The following PALLD variants were observed in gnomAD, a reference collection of about 807,000 sequenced individuals.
PALLD encodes the protein palladin.
A neutral mutation model predicts 123.5 loss-of-function variants in PALLD; 61 were observed. The observed-to-expected ratio is 0.49, with a 90% CI of 0.40 to 0.61. The LOEUF is 0.61. Ranked by LOEUF, PALLD falls within the 20% of genes least tolerant of loss-of-function variation. PALLD has a pLI of 0.00. For missense variants in PALLD, 1,273 were observed against 1,377.0 expected, an observed-to-expected ratio of 0.92 and a Z score of 1.20; for synonymous variants, 465 against 496.4, an observed-to-expected ratio of 0.94 and a Z score of 0.84.
intron 1 of PALLD, among the ~76,000 whole-genome samples, chr4:168,508,218 T>C (rs773433221): frequency 1.3e-5 from 2 of 152,198 alleles, no homozygotes; most frequent in Non-Finnish European, 2.9e-5. Context: ...TCACTATAAA[T>C]TGTACGTATT....
At chr4:168,674,466 G>C (rs1780633462) in intron 3 of PALLD, among the ~76,000 whole-genome samples, 1 of 152,128 alleles carries the variant, frequency 6.6e-6, no homozygotes, top group South Asian at 2.1e-4. Context: ...GTTGAAAGAG[G>C]AGTTGCCAGC....
chr4:168,764,247 C>T (rs1283702554), intron 10 of PALLD, among the ~76,000 whole-genome samples: 1 of 152,050 alleles, frequency 6.6e-6, no homozygotes, highest in African/African-American at 2.4e-5. Flanking sequence ...ACCCTTGTTA[C>T]TTGACCTGAG....
At chr4:168,803,739 T>G (rs1249003596) in intron 10 of PALLD, among the ~76,000 whole-genome samples, 1 of 151,994 alleles carries the variant, frequency 6.6e-6, no homozygotes, top group Non-Finnish European at 1.5e-5. Context: ...AAATTTTCAT[T>G]TTGGCTCTCT....
chr4:168,663,634 A>G (rs1255253688), intron 2 of PALLD, among the ~76,000 whole-genome samples: 1 of 152,242 alleles, frequency 6.6e-6, no homozygotes, highest in Non-Finnish European at 1.5e-5. Flanking sequence ...CAGTCCCTGC[A>G]GGGTCAGCAA....
intron 5 of PALLD, 117 bp from the exon 6 acceptor site, chr4:168,685,368 A>T: frequency 1.3e-6 from 1 of 766,670 alleles, no homozygotes; most frequent in Non-Finnish European, 2.4e-6. Context: ...GTATGGTGGT[A>T]CTTTCATTCA....
At position 168,681,475 on chromosome 4, in the gene PALLD, G is replaced by A. The variant is rs1228014047; in HGVS notation, c.1154+77G>A. On this transcript the variant is annotated intron_variant, in intron 4 of 21. Transcript: ENST00000505667. ...ATGGTTGGGGTATGAAACCATGTTT[G>A]CTGTGCTTTGAAGAAAAAAGTCAAC... 3 of 941,226 alleles carry A rather than the reference G, an allele frequency of 3.2e-6. No individual in the cohort carries two copies. In the Admixed American group the frequency reaches 5.1e-5, roughly 16 times the overall value. 58.3% of individuals were successfully genotyped at this position (941,226 alleles called of 1,614,324 possible).
At chr4:168,626,428 G>A (rs960438174) in intron 2 of PALLD, among the ~76,000 whole-genome samples, 1 of 138,898 alleles carries the variant, frequency 7.2e-6, no homozygotes, top group Non-Finnish European at 1.6e-5. Context: ...AAAAGGTGGT[G>A]ACTGGGCACT....
chr4:168,761,790 C>T (rs1283683101), intron 10 of PALLD, among the ~76,000 whole-genome samples: 6 of 151,448 alleles, frequency 4.0e-5, no homozygotes, highest in Non-Finnish European at 5.9e-5. Context: ...GGATTACAGG[C>T]GTGAGCCACC....
chr4:168,801,734 T>C (rs1040930308), intron 10 of PALLD, among the ~76,000 whole-genome samples: 1 of 152,182 alleles, frequency 6.6e-6, no homozygotes, highest in South Asian at 2.1e-4. Flanking sequence ...AAGATGTCTC[T>C]CCTTTTGTGA....
In PALLD at chr4:168,885,487, C is replaced by A. The variant is rs1028576639; in HGVS notation, c.1965-5435C>A. The A allele has an allele frequency of 2.6e-5, 4 of 152,260 alleles. No homozygotes were observed. The East Asian group carries it at 5.8e-4, about 22-fold the overall frequency. The allele number at this position is 152,260 out of a possible 1,614,324, so 9.4% of individuals were successfully genotyped here. Reference sequence around the variant, plus strand: ...AAACCATATAGCCTCTATGAAACTGCCATTTTTGTAAGTTAAAAATGTTCA... The same window carrying A: ...AAACCATATAGCCTCTATGAAACTGACATTTTTGTAAGTTAAAAATGTTCA... On this transcript the variant is annotated intron_variant, in intron 10 of 21. Transcript: ENST00000505667.
chr4:168,878,443 C>A (rs910014007), intron 10 of PALLD: 2 of 1,371,406 alleles, frequency 1.5e-6, no homozygotes, highest in South Asian at 1.5e-5. Flanking sequence ...CGCCTCGGGT[C>A]GCCCTGGGAC....
chr4:168,856,368 A>G (rs1274802002), intron 10 of PALLD, among the ~76,000 whole-genome samples: 2 of 152,328 alleles, frequency 1.3e-5, no homozygotes, highest in East Asian at 1.9e-4. Flanking sequence ...TATATACCCA[A>G]TACTGGGATT....
chr4:168,661,655 G>A (rs1580817747), intron 2 of PALLD, among the ~76,000 whole-genome samples: 1 of 152,190 alleles, frequency 6.6e-6, no homozygotes, highest in Non-Finnish European at 1.5e-5. Flanking sequence ...CCTTGTTTGT[G>A]TGGCAATTAC....
At chr4:168,854,575 C>T (rs1748299689) in intron 10 of PALLD, among the ~76,000 whole-genome samples, 1 of 152,148 alleles carries the variant, frequency 6.6e-6, no homozygotes, top group African/African-American at 2.4e-5. Context: ...TCTCAAAGAG[C>T]AAGGGTTCCA....
Position 168,636,693 on chromosome 4 carries a change from C to A in PALLD, c.909-31497C>A, listed in dbSNP as rs144924643. On this transcript the variant is annotated intron_variant, in intron 2 of 21. Transcript: ENST00000505667. The stretch of plus-strand genomic sequence containing the variant: ...GGCTGGAAGGGACTTTAAGAAATCA[C>A]TTAGTCATATTCCTTGCTTCCAGAA... 1.9e-3 allele frequency among the ~76,000 whole-genome samples: 287 copies of A among 152,296 alleles called. 2 individuals are homozygous for A. Among genetic ancestry groups the A allele is most frequent in the African/African-American group, 6.5e-3 (269 of 41,568 alleles).
intron 3 of PALLD, among the ~76,000 whole-genome samples, chr4:168,670,267 A>T (rs1218855891): frequency 6.6e-6 from 1 of 152,200 alleles, no homozygotes; most frequent in Non-Finnish European, 1.5e-5. Context: ...CATACTACAA[A>T]TATTAAATGA....
intron 10 of PALLD, among the ~76,000 whole-genome samples, chr4:168,749,421 A>C (rs888937662): frequency 3.3e-5 from 5 of 150,934 alleles, no homozygotes; most frequent in African/African-American, 1.2e-4. Context: ...AAAAAAAAAA[A>C]ATTGGTCAAG....
At chr4:168,607,823 AT>A (rs757558997) in intron 2 of PALLD, among the ~76,000 whole-genome samples, 1 of 152,210 alleles carries the variant, frequency 6.6e-6, no homozygotes, top group Non-Finnish European at 1.5e-5. Flanking sequence ...ATAAGCAAAA[AT>A]AAAAGAGTAT....
intron 2 of PALLD, among the ~76,000 whole-genome samples, chr4:168,599,147 A>G (rs1772292327): frequency 6.6e-6 from 1 of 152,178 alleles, no homozygotes; most frequent in Admixed American, 6.6e-5. Context: ...AACAGTGAAG[A>G]ATTCAGAGTT....
Sources: gnomAD v4.1 joint callset for allele counts (sites outside exome capture counted in the v4.1 genomes callset) on GRCh38, gnomAD v4.1.1 for gene constraint, MANE v1.5 for transcripts, NCBI Gene and HGNC (gene_info 2026-07-23, HGNC 2026-07-21) for gene names.